Variants in ARGLU1 observed in about 807,000 individuals in gnomAD.
The protein encoded by ARGLU1 is arginine and glutamate rich 1, also known as arginine and glutamate-rich protein 1.
In ARGLU1, 9 loss-of-function variants were observed where a neutral mutation model predicts 37.6. That is an observed-to-expected ratio of 0.24 (90% CI 0.14 to 0.42). ARGLU1 has a LOEUF of 0.42. Among genes scored for constraint, ARGLU1 ranks in the 10% least tolerant of loss-of-function variants. The probability of loss-of-function intolerance (pLI) is 1.00; values close to 1 mark genes in which losing one functional copy is unlikely to be tolerated. For synonymous variants in ARGLU1, 166 were observed against 138.5 expected (o/e 1.20, Z -1.39); for missense variants, 211 against 359.2 (o/e 0.59, Z 3.34).
chr13:106,548,275 G>A (rs1411567917), intron 3 of ARGLU1, among the ~76,000 whole-genome samples: 2 of 152,088 alleles, frequency 1.3e-5, no homozygotes, highest in East Asian at 1.9e-4. Context: ...TCCACCACTT[G>A]TAAGTGTGGT....
rs1880286115 is a variant in ARGLU1, at chr13:106,542,462, T to TAG, written c.*1533_*1534insCT. ...ACTATATTTCATGCCTATTTAAAAT[T>TAG]CTACCTTTAAAGATCTTTAAACTGA... On this transcript the variant is annotated 3_prime_UTR_variant, in exon 4 of 4. Transcript: ENST00000400198. 1 of 152,150 alleles carries TAG rather than the reference T, an allele frequency of 6.6e-6. No homozygotes were observed. The highest frequency in any genetic ancestry group is 6.5e-5 in the Admixed American group (1 of 15,274). The allele number at this position is 152,150 out of a possible 1,614,324, so 9.4% of individuals were successfully genotyped here.
chr13:106,550,369 A>C (rs142464002), intron 3 of ARGLU1, among the ~76,000 whole-genome samples: 4 of 152,276 alleles, frequency 2.6e-5, no homozygotes, highest in Non-Finnish European at 5.9e-5. Context: ...TATTTTTTAA[A>C]TTACTGTCCC....
chr13:106,544,801 A>T (rs1880351033), intron 3 of ARGLU1, among the ~76,000 whole-genome samples: 1 of 152,220 alleles, frequency 6.6e-6, no homozygotes, highest in African/African-American at 2.4e-5. Context: ...ATCAGTAGAC[A>T]ACCAAGAAAC....
intron 1 of ARGLU1, among the ~76,000 whole-genome samples, chr13:106,560,947 C>CAAGG (rs1880784339): frequency 6.6e-6 from 1 of 152,186 alleles, no homozygotes; most frequent in East Asian, 1.9e-4. Context: ...AATTCTCACC[C>CAAGG]AAGGGCTCTC....
chr13:106,546,156 G>A (rs1013253069), intron 3 of ARGLU1, among the ~76,000 whole-genome samples: 12 of 151,940 alleles, frequency 7.9e-5, no homozygotes, highest in Non-Finnish European at 1.8e-4. Flanking sequence ...TCAGTTTAGG[G>A]CCACATATCT....
intron 3 of ARGLU1, among the ~76,000 whole-genome samples, chr13:106,554,683 G>C (rs914336409): frequency 1.3e-5 from 2 of 151,822 alleles, no homozygotes; most frequent in Non-Finnish European, 2.9e-5. Flanking sequence ...TCAAGAGTTT[G>C]AGACCAGCCT....
At chr13:106,556,629 C>T (rs138852879) in intron 3 of ARGLU1, among the ~76,000 whole-genome samples, 297 of 152,184 alleles carry the variant, frequency 2.0e-3, no homozygotes, top group Non-Finnish European at 2.9e-3. Context: ...GAAATTACTC[C>T]GGTGCACTTA....
In ARGLU1 at chr13:106,557,084, C is replaced by G. The variant is rs760098841; in HGVS notation, c.621G>C (p.Glu207Asp). 2 of 1,613,956 alleles carry G rather than the reference C, an allele frequency of 1.2e-6. No homozygotes were observed. Among genetic ancestry groups the G allele is most frequent in the African/African-American group, 1.3e-5 (1 of 74,942 alleles). ...GTGCTTCTGCAATTTTTCGGTTATT[C>G]TCTTCCAGTATTCGCTCTAGCTCCT... The part of the protein sequence containing the change: ...KREELERILE[E>D]NNRKIAEAQA... The change falls in exon 3 of 4, where the codon GAG becomes GAC. Residue 207 changes from glutamate to aspartate, a missense_variant. Physicochemically the swap from Glu to Asp is conservative, Grantham distance 45 (BLOSUM62 2). Transcript: ENST00000400198. The surrounding 1 kb of genome is among the most constrained non-coding windows in gnomAD (Gnocchi z 5.0).
intron 3 of ARGLU1, among the ~76,000 whole-genome samples, chr13:106,554,904 AT>A (rs1020570702): frequency 2.8e-5 from 4 of 141,250 alleles, no homozygotes; most frequent in Non-Finnish European, 6.2e-5. Flanking sequence ...AAAAAAAAAA[AT>A]TTCTCCAGTA....
Position 106,548,745 on chromosome 13 carries a change from T to TTTTA in ARGLU1, c.658-4589_658-4586dup, listed in dbSNP as rs555639941. Among the ~76,000 whole-genome samples, 695 of 152,176 alleles carry TTTTA rather than the reference T, an allele frequency of 4.6e-3. 2 individuals are homozygous for TTTTA. The highest frequency in any genetic ancestry group is 8.1e-3 in the Non-Finnish European group (553 of 67,980). On this transcript the variant is annotated intron_variant, in intron 3 of 3. Transcript: ENST00000400198. The stretch of plus-strand genomic sequence containing the variant: ...ACCCCTCCCAGTAATCTCTGCCCTA[T>TTTTA]TTTATTTATTTATTTATTTTTAGAC...
chr13:106,557,327 T>A lies in ARGLU1; in HGVS notation c.574-196A>T. On this transcript the variant is annotated intron_variant, in intron 2 of 3. Transcript: ENST00000400198. The surrounding 1 kb of genome is among the most constrained non-coding windows in gnomAD (Gnocchi z 5.0). ...ACTAAATTTAAATCATCCCTCCCAG[T>A]CCAAACAGCAACCAACTAAACCCTC... The A allele has an allele frequency of 1.5e-6, 1 of 647,792 alleles. No homozygotes were observed. The highest frequency in any genetic ancestry group is 2.8e-5 in the East Asian group (1 of 35,148). The allele number at this position is 647,792 out of a possible 1,614,324, so 40.1% of individuals were successfully genotyped here.
chr13:106,567,364 A>T lies in ARGLU1; in HGVS notation c.347+209T>A, dbSNP rs1880997827. 6.6e-6 allele frequency among the ~76,000 whole-genome samples: 1 copy of T among 151,824 alleles called. No homozygotes were observed. Among genetic ancestry groups the T allele is most frequent in the South Asian group, 2.1e-4 (1 of 4,820 alleles). On this transcript the variant is annotated intron_variant, in intron 1 of 3. Coordinates refer to ENST00000400198, the MANE Select transcript of ARGLU1 (RefSeq NM_018011.4). The surrounding 1 kb of genome is among the most constrained non-coding windows in gnomAD (Gnocchi z 4.3). ...CAAGCCCTCGAATTTTCCATCCCGA[A>T]CAACTTCTGGGTCTGTCCCACCCCA...
At chr13:106,548,288 G>T (rs1445259598) in intron 3 of ARGLU1, among the ~76,000 whole-genome samples, 1 of 152,120 alleles carries the variant, frequency 6.6e-6, no homozygotes, top group Admixed American at 6.5e-5. Flanking sequence ...AGTGTGGTAT[G>T]ACCCTATACC....
chr13:106,564,555 T>C (rs1880906633), intron 1 of ARGLU1, among the ~76,000 whole-genome samples: 1 of 152,186 alleles, frequency 6.6e-6, no homozygotes, highest in African/African-American at 2.4e-5. Flanking sequence ...CACTATGCAT[T>C]TTTACCATAT....
In ARGLU1 at chr13:106,542,965, C is replaced by G. The variant is rs1482149121; in HGVS notation, c.*1031G>C. ...GCTAAGTTCTTTCTGATGGCCCACT[C>G]TGAAAACGATCTCAGATTCCATAAT... On this transcript the variant is annotated 3_prime_UTR_variant, in exon 4 of 4. Coordinates refer to ENST00000400198, the MANE Select transcript of ARGLU1 (RefSeq NM_018011.4). 1 of 152,046 alleles carries G rather than the reference C, an allele frequency of 6.6e-6. No individual in the cohort carries two copies. Among genetic ancestry groups the G allele is most frequent in the Non-Finnish European group, 1.5e-5 (1 of 67,938 alleles). The allele number at this position is 152,046 out of a possible 1,614,324, so 9.4% of individuals were successfully genotyped here. A position where few individuals can be genotyped will look rare whatever the true frequency, so the allele number is the denominator to read the frequency against.
intron 3 of ARGLU1, among the ~76,000 whole-genome samples, chr13:106,552,816 A>G (rs1038974225): frequency 6.6e-6 from 1 of 152,236 alleles, no homozygotes; most frequent in East Asian, 1.9e-4. Flanking sequence ...AGCCAAGTCA[A>G]GTCATATTTG....
At chr13:106,558,131 A>G (rs1880702675) in intron 2 of ARGLU1, 1 of 984,410 alleles carries the variant, frequency 1.0e-6, no homozygotes, top group Admixed American at 6.2e-5. Context: ...TAAAAAAAAA[A>G]TTGTTAATAT....
At chr13:106,556,209 A>G (rs1349240296) in intron 3 of ARGLU1, among the ~76,000 whole-genome samples, 1 of 152,228 alleles carries the variant, frequency 6.6e-6, no homozygotes, top group Non-Finnish European at 1.5e-5. Context: ...TCTTCGGGAA[A>G]GCGGATTATG....
At chr13:106,558,484 T>C (rs1038228701) in intron 2 of ARGLU1, 25 of 985,224 alleles carry the variant, frequency 2.5e-5, no homozygotes, top group Non-Finnish European at 2.9e-5. Context: ...AACTACAGGA[T>C]TTCCTACATC....
Sources: gnomAD v4.1 joint callset for allele counts (sites outside exome capture counted in the v4.1 genomes callset) on GRCh38, gnomAD v4.1.1 for gene constraint, Gnocchi (gnomAD v3.1) non-coding constraint, MANE v1.5 for transcripts, NCBI Gene and HGNC (gene_info 2026-07-23, HGNC 2026-07-21) for gene names.